Variants in ANK3 observed in about 807,000 individuals in gnomAD.
ANK3 encodes ankyrin 3, also known as ankyrin-3.
ANK3 carries 57 observed loss-of-function variants against 370.9 expected under a neutral mutation model. The ratio of observed to expected loss-of-function variants is 0.15; its 90% CI spans 0.12 to 0.19. The LOEUF (loss-of-function observed/expected upper bound fraction) is 0.19, where lower values mean the gene tolerates loss of function less well. Ranked by LOEUF, ANK3 falls within the 10% of genes least tolerant of loss-of-function variation. The pLI is 1.00. For synonymous variants in ANK3, 1,929 were observed against 1,946.3 expected (o/e 0.99, Z 0.23); for missense variants, 4,439 against 5,302.1 (o/e 0.84, Z 5.06).
intron 23 of ANK3, among the ~76,000 whole-genome samples, chr10:60,144,670 T>C (rs2094725139): frequency 6.6e-6 from 1 of 152,138 alleles, no homozygotes; most frequent in Admixed American, 6.6e-5. Context: ...CAAAGATCTG[T>C]CAACTTCGTC....
intron 1 of ANK3, among the ~76,000 whole-genome samples, chr10:60,338,806 C>A (rs188136037): frequency 6.6e-6 from 1 of 152,276 alleles, no homozygotes; most frequent in African/African-American, 2.4e-5. Flanking sequence ...GAGTTTAATC[C>A]CACATCTGTG....
chr10:60,362,735 A>G (rs1222298189), intron 1 of ANK3, among the ~76,000 whole-genome samples: 2 of 152,114 alleles, frequency 1.3e-5, no homozygotes, highest in African/African-American at 4.8e-5. Context: ...ATCCCCACAC[A>G]TTGATTCATT....
At chr10:60,263,028 A>T (rs530141472) in intron 6 of ANK3, among the ~76,000 whole-genome samples, 2 of 152,326 alleles carry the variant, frequency 1.3e-5, no homozygotes, top group Admixed American at 1.3e-4. Flanking sequence ...ACAGAAGGCG[A>T]TGCAAAGAAG....
At chr10:60,721,141 T>C (rs903705692) in intron 1 of ANK3, among the ~76,000 whole-genome samples, 31 of 152,202 alleles carry the variant, frequency 2.0e-4, no homozygotes, top group African/African-American at 7.2e-4. Flanking sequence ...TCCAATAAGC[T>C]GTGTGAAATG....
At chr10:60,367,413 C>A (rs1047325352) in intron 1 of ANK3, among the ~76,000 whole-genome samples, 1 of 152,126 alleles carries the variant, frequency 6.6e-6, no homozygotes, top group Non-Finnish European at 1.5e-5. Flanking sequence ...GCTTTCTATG[C>A]CTAAAATGTC....
chr10:60,197,997 A>G (rs2096614314), intron 14 of ANK3, among the ~76,000 whole-genome samples: 1 of 152,242 alleles, frequency 6.6e-6, no homozygotes, highest in Non-Finnish European at 1.5e-5. Flanking sequence ...CCGAGCTGTG[A>G]TAATGTGGTT....
intron 1 of ANK3, among the ~76,000 whole-genome samples, chr10:60,686,307 T>G (rs1435122325): frequency 1.3e-5 from 2 of 152,068 alleles, no homozygotes; most frequent in African/African-American, 4.8e-5. Flanking sequence ...CATTTTAAAT[T>G]AGGAAAATGT....
At chr10:60,274,740 G>A (rs954577462) in intron 4 of ANK3, among the ~76,000 whole-genome samples, 3 of 152,064 alleles carry the variant, frequency 2.0e-5, no homozygotes, top group African/African-American at 4.8e-5. Flanking sequence ...TCTATTCTCT[G>A]TGTTCCTTAA....
Position 60,567,144 on chromosome 10 carries a change from A to G in ANK3, c.96+48042T>C, listed in dbSNP as rs75913797. 3.0e-4 allele frequency among the ~76,000 whole-genome samples: 46 copies of G among 152,310 alleles called. No homozygotes were observed. The South Asian group carries it at 4.6e-3, about 15-fold the overall frequency. On this transcript the variant is annotated intron_variant, in intron 2 of 43. Coordinates refer to the ANK3 transcript ENST00000373827. Reference sequence around the variant, plus strand: ...TGAAGGTGGTTACACTAAACCACAGATTTTTCAGTGTAGGCAAGACAGCCC... The same window carrying G: ...TGAAGGTGGTTACACTAAACCACAGGTTTTTCAGTGTAGGCAAGACAGCCC...
intron 28 of ANK3, among the ~76,000 whole-genome samples, chr10:60,104,405 GAAAGAAAAGAAAAGA>G (rs71015766): frequency 1.1e-5 from 1 of 88,290 alleles, no homozygotes; most frequent in African/African-American, 5.9e-5. Context: ...AACAAAGAAA[GAAAGAAAAGAAAAGA>G]AAAGAAAAGA....
intron 25 of ANK3, among the ~76,000 whole-genome samples, chr10:60,125,296 G>T (rs549728365): frequency 1.3e-5 from 2 of 152,072 alleles, no homozygotes; most frequent in Non-Finnish European, 2.9e-5. Flanking sequence ...TTATGAACTC[G>T]AACAAAAGAA....
chr10:60,374,179 T>G lies in ANK3; in HGVS notation c.114+15246A>C, dbSNP rs2060474083. 2.0e-5 allele frequency among the ~76,000 whole-genome samples: 3 copies of G among 151,826 alleles called. No homozygotes were observed. In the South Asian group the frequency reaches 6.3e-4, roughly 32 times the overall value. Reference sequence around the variant, plus strand: ...AGCTGGGAAGGACTCTCAGGACCAGTGTCAGGGTCCTCGAGATAAAACAGA... The same window carrying G: ...AGCTGGGAAGGACTCTCAGGACCAGGGTCAGGGTCCTCGAGATAAAACAGA... On this transcript the variant is annotated intron_variant, in intron 1 of 43. Transcript: ENST00000280772.
chr10:60,248,564 CTATT>C (rs751723079), intron 7 of ANK3, among the ~76,000 whole-genome samples: 1 of 152,096 alleles, frequency 6.6e-6, no homozygotes, highest in Non-Finnish European at 1.5e-5. Flanking sequence ...GACCAAGAAA[CTATT>C]TGTTTGACAT....
intron 2 of ANK3, among the ~76,000 whole-genome samples, chr10:60,514,970 A>G (rs769991220): frequency 4.6e-5 from 7 of 152,158 alleles, no homozygotes; most frequent in Non-Finnish European, 1.0e-4. Context: ...CTCTAAATAA[A>G]ACTGATAATT....
intron 1 of ANK3, among the ~76,000 whole-genome samples, chr10:60,717,776 C>G (rs2079810490): frequency 6.6e-6 from 1 of 152,136 alleles, no homozygotes; most frequent in Non-Finnish European, 1.5e-5. Flanking sequence ...TTGAAAGTTA[C>G]CAAGAGACTG....
Position 60,074,893 on chromosome 10 carries a change from T to G in ANK3, c.5988A>C (p.Glu1996Asp). ...EDDWIEFSSE[E>D]IREARQQAAA... is the part of the protein sequence containing the mutation. The stretch of plus-strand genomic sequence containing the variant: ...CAGCTTGTTGTCTGGCTTCCCGGAT[T>G]TCTTCCGAACTAAATTCTATCCAGT... Residue 1996 changes from glutamate (E) to aspartate (D), a missense_variant, in exon 37 of 44, where the codon GAA becomes GAC. Physicochemically the swap from Glu to Asp is conservative, Grantham distance 45. Around this residue, in one of 13 missense-constraint regions of ANK3, gnomAD observed 679 missense variants for 791.0 expected, o/e 0.86. Transcript: ENST00000280772. 1 of 1,613,912 alleles carries G rather than the reference T, an allele frequency of 6.2e-7. No homozygotes were observed. The highest frequency in any genetic ancestry group is 8.5e-7 in the Non-Finnish European group (1 of 1,179,954).
intron 1 of ANK3, among the ~76,000 whole-genome samples, chr10:60,621,161 G>GGCAAT (rs914662964): frequency 2.2e-4 from 33 of 152,234 alleles, no homozygotes; most frequent in Middle Eastern, 3.4e-3. Flanking sequence ...AACGATGCCA[G>GGCAAT]GCAATGCAAT....
chr10:60,440,493 C>T (rs1460373090), intron 2 of ANK3, among the ~76,000 whole-genome samples: 1 of 152,122 alleles, frequency 6.6e-6, no homozygotes, highest in Non-Finnish European at 1.5e-5. Context: ...CAGCAGATCT[C>T]ATGAAAACTC....
chr10:60,652,737 C>T (rs1383519570), intron 1 of ANK3, among the ~76,000 whole-genome samples: 7 of 148,282 alleles, frequency 4.7e-5, no homozygotes, highest in African/African-American at 1.7e-4. Context: ...AATGGGACCA[C>T]GAAGGTTCCA....
Sources: allele counts gnomAD v4.1 joint callset (sites outside exome capture counted in the v4.1 genomes callset), GRCh38; gene constraint gnomAD v4.1.1; regional missense constraint gnomAD v4.1.1; transcripts MANE v1.5; gene names NCBI Gene and HGNC (gene_info 2026-07-23, HGNC 2026-07-21).